Variants in ZNF90 observed in about 807,000 individuals in gnomAD.
The protein encoded by ZNF90 is zinc finger protein HTF9.
In ZNF90, 11 loss-of-function variants were observed where a neutral mutation model predicts 12.0. The observed-to-expected ratio is 0.92, with a 90% CI of 0.58 to 1.52. ZNF90 has a LOEUF of 1.52. Among genes scored for constraint, ZNF90 ranks in the 40% most tolerant of loss-of-function variants. The pLI is 0.00. For synonymous variants in ZNF90, 232 were observed against 240.1 expected (o/e 0.97, Z 0.31); for missense variants, 765 against 711.5 (o/e 1.08, Z -0.86).
Position 20,100,245 on chromosome 19 carries a change from C to G in ZNF90, c.4-3994C>G, listed in dbSNP as rs546476201. ...CTAACCAATGGAAATTACTTAAAACCCTTCACCAAACCTTTTACTTAGGCA... is the reference window on the plus strand; with the variant it reads ...CTAACCAATGGAAATTACTTAAAACGCTTCACCAAACCTTTTACTTAGGCA... On this transcript the variant is annotated intron_variant, in intron 1 of 3. Coordinates refer to ENST00000418063, the MANE Select transcript of ZNF90 (RefSeq NM_007138.2). 3.3e-5 allele frequency among the ~76,000 whole-genome samples: 5 copies of G among 152,216 alleles called. No homozygotes were observed. In the East Asian group the frequency reaches 7.8e-4, roughly 24 times the overall value.
rs1234159497 is a variant in ZNF90, at chr19:20,078,079, G to A, written c.-54G>A. 3 of 1,613,422 alleles carry A rather than the reference G, an allele frequency of 1.9e-6. No homozygotes were observed. The highest frequency in any genetic ancestry group is 2.5e-6 in the Non-Finnish European group (3 of 1,179,460). ...CTTCTTCTCCAGCCTCTGTGGCCCT[G>A]TGACCTGCAGGTATTGGGAGATCCA... is the stretch of plus-strand genomic sequence containing the variant. On this transcript the variant is annotated 5_prime_UTR_variant, in exon 1 of 4. In the 5' UTR this introduces an upstream ATG that the reference lacks. Coordinates refer to ENST00000418063, the MANE Select transcript of ZNF90 (RefSeq NM_007138.2).
At chr19:20,106,257 T>G (rs1358621590) in intron 3 of ZNF90, among the ~76,000 whole-genome samples, 1 of 152,096 alleles carries the variant, frequency 6.6e-6, no homozygotes, top group African/African-American at 2.4e-5. Flanking sequence ...TTACTCTGTT[T>G]ATGATTTTTA....
chr19:20,094,753 G>T (rs1350798064), intron 1 of ZNF90, among the ~76,000 whole-genome samples: 1 of 151,512 alleles, frequency 6.6e-6, no homozygotes, highest in Non-Finnish European at 1.5e-5. Context: ...AGGTTAAGTT[G>T]TAGGACAGAG....
chr19:20,078,729 G>C (rs1036076233), intron 1 of ZNF90, among the ~76,000 whole-genome samples: 1 of 152,074 alleles, frequency 6.6e-6, no homozygotes, highest in African/African-American at 2.4e-5. Context: ...TACCCGATTT[G>C]GAAAAAGCTT....
chr19:20,081,389 A>G (rs2088818350), intron 1 of ZNF90, among the ~76,000 whole-genome samples: 1 of 152,122 alleles, frequency 6.6e-6, no homozygotes, highest in Admixed American at 6.5e-5. Flanking sequence ...TGGTTTCACC[A>G]TGTTGGCCAC....
intron 1 of ZNF90, chr19:20,080,422 GGCCAATCTTGGTGTTGGCAGCCGGGC>G: frequency 1.2e-5 from 4 of 342,122 alleles, no homozygotes; most frequent in Non-Finnish European, 2.3e-5. Flanking sequence ...ATGCGGCGGG[GGCCAATCTTGGTGTTGGCAGCCGGGC>G]GCCACAACTC....
chr19:20,091,333 T>G (rs2088901262), intron 1 of ZNF90, among the ~76,000 whole-genome samples: 1 of 152,012 alleles, frequency 6.6e-6, no homozygotes, highest in South Asian at 2.1e-4. Context: ...ATTTCCATGA[T>G]GGAAAGGAAA....
At position 20,078,220 on chromosome 19, in the gene ZNF90, C is replaced by G; in HGVS notation, c.3+85C>G. ...GTGGCTGTGGCGGGACTTAGGCCTCCCCGCAGTCAGCTCCACAATCTGCGA... is the reference window on the plus strand; with the variant it reads ...GTGGCTGTGGCGGGACTTAGGCCTCGCCGCAGTCAGCTCCACAATCTGCGA... On this transcript the variant is annotated intron_variant, in intron 1 of 3. Transcript: ENST00000418063. 1.9e-6 allele frequency: 3 copies of G among 1,558,488 alleles called. No homozygotes were observed. In the South Asian group the frequency reaches 3.4e-5, roughly 18 times the overall value.
rs1464649636 is a variant in ZNF90 at position 20,084,300 on chromosome 19, G to A, written c.3+6165G>A. On this transcript the variant is annotated intron_variant, in intron 1 of 3. Transcript: ENST00000418063. ...TCGAACTCCTGACCTCTGGTGATCC[G>A]CCCGGGTCAGCCTCCCAAAGTGCTG... Among the ~76,000 whole-genome samples, 8 of 151,440 alleles carry A rather than the reference G, an allele frequency of 5.3e-5. No individual in the cohort carries two copies. In the East Asian group the frequency reaches 5.8e-4, roughly 11 times the overall value.
At position 20,120,028 on chromosome 19, in the gene ZNF90, T is replaced by TTTCACAAACCA. The variant is rs1555706404; in HGVS notation, c.*668_*669insTTCACAAACCA. The stretch of plus-strand genomic sequence containing the variant: ...TTATACTAGTGTGAAACCCTAGAAA[T>TTTCACAAACCA]AATAGAAAATTTGACAAATCCTTTA... On this transcript the variant is annotated 3_prime_UTR_variant, in exon 4 of 4. Transcript: ENST00000418063. 1.4e-4 allele frequency among the ~76,000 whole-genome samples: 22 copies of TTTCACAAACCA among 152,208 alleles called. No homozygotes were observed. Among genetic ancestry groups the TTTCACAAACCA allele is most frequent in the Non-Finnish European group, 8.8e-5 (6 of 68,028 alleles).
intron 1 of ZNF90, chr19:20,087,429 A>G (rs2088867675): frequency 6.6e-6 from 1 of 152,272 alleles, no homozygotes; most frequent in African/African-American, 2.4e-5. Flanking sequence ...ATCTGGACTC[A>G]TGCTGGAAAT....
At chr19:20,089,902 A>G (rs2088888825) in intron 1 of ZNF90, among the ~76,000 whole-genome samples, 1 of 152,140 alleles carries the variant, frequency 6.6e-6, no homozygotes, top group Admixed American at 6.5e-5. Context: ...CTAGGAGAGA[A>G]TGGGTAAGGT....
intron 2 of ZNF90, among the ~76,000 whole-genome samples, 171 bp from the exon 3 acceptor site, chr19:20,105,050 C>A (rs2089022565): frequency 6.6e-6 from 1 of 152,028 alleles, no homozygotes; most frequent in Non-Finnish European, 1.5e-5. Context: ...CACACACACA[C>A]AAAAGAAACC....
chr19:20,112,145 A>ATGTGCC (rs1478208127), intron 3 of ZNF90, among the ~76,000 whole-genome samples: 1 of 150,628 alleles, frequency 6.6e-6, no homozygotes, highest in African/African-American at 2.4e-5. Context: ...GCATGAGCCG[A>ATGTGCC]TGTGCCCAGT....
chr19:20,090,717 G>T (rs1375526475), intron 1 of ZNF90, among the ~76,000 whole-genome samples: 1 of 152,170 alleles, frequency 6.6e-6, no homozygotes, highest in Non-Finnish European at 1.5e-5. Context: ...TAGTCACCTA[G>T]AGGGCTGGTG....
At chr19:20,097,806 A>G (rs2088960627) in intron 1 of ZNF90, among the ~76,000 whole-genome samples, 2 of 152,226 alleles carry the variant, frequency 1.3e-5, no homozygotes, top group African/African-American at 4.8e-5. Context: ...AACTGTTCAC[A>G]ATTGCCACAA....
At chr19:20,088,340 G>A (rs2088876544) in intron 1 of ZNF90, among the ~76,000 whole-genome samples, 1 of 152,034 alleles carries the variant, frequency 6.6e-6, no homozygotes, top group Non-Finnish European at 1.5e-5. Context: ...ATATTGTGGG[G>A]ATGTTAGAAG....
At chr19:20,094,097 G>A (rs1417777621) in intron 1 of ZNF90, among the ~76,000 whole-genome samples, 5 of 152,210 alleles carry the variant, frequency 3.3e-5, no homozygotes, top group Non-Finnish European at 7.3e-5. Flanking sequence ...AGATCCTGAT[G>A]GAGGAAGTCT....
chr19:20,103,753 A>T (rs2089008198), intron 1 of ZNF90, among the ~76,000 whole-genome samples: 1 of 152,192 alleles, frequency 6.6e-6, no homozygotes, highest in African/African-American at 2.4e-5. Context: ...TCTTGGGCCA[A>T]AAACATTGAC....
Sources: gnomAD v4.1 joint callset for allele counts (sites outside exome capture counted in the v4.1 genomes callset) on GRCh38, gnomAD v4.1.1 for gene constraint, MANE v1.5 for transcripts, NCBI Gene and HGNC (gene_info 2026-07-23, HGNC 2026-07-21) for gene names.